Variants in TRPM3 observed in about 807,000 individuals in gnomAD.
The protein encoded by TRPM3 is long transient receptor potential channel 3.
In TRPM3, 77 loss-of-function variants were observed where a neutral mutation model predicts 181.2. The ratio of observed to expected loss-of-function variants is 0.42; its 90% CI spans 0.35 to 0.51. The LOEUF (loss-of-function observed/expected upper bound fraction) is 0.51. Among genes scored for constraint, TRPM3 ranks in the 20% least tolerant of loss-of-function variants. The pLI is 0.01. For synonymous variants in TRPM3, 745 were observed against 796.4 expected, an observed-to-expected ratio of 0.94 and a Z score of 1.09; for missense variants, 1,759 against 2,196.7, an observed-to-expected ratio of 0.80 and a Z score of 3.98.
intron 6 of TRPM3, among the ~76,000 whole-genome samples, chr9:70,817,539 G>A (rs1348840546): frequency 6.6e-6 from 1 of 152,168 alleles, no homozygotes; most frequent in Non-Finnish European, 1.5e-5. Flanking sequence ...TCCTAACTAA[G>A]GCTTTATGGT....
At chr9:71,226,052 T>C (rs1294938815) in intron 1 of TRPM3, among the ~76,000 whole-genome samples, 3 of 128,938 alleles carry the variant, frequency 2.3e-5, no homozygotes, top group Admixed American at 8.4e-5. Context: ...AGCAGGGAGA[T>C]GAAGTTATAG....
chr9:71,387,262 G>A (rs1044149329), intron 1 of TRPM3, among the ~76,000 whole-genome samples: 3 of 152,182 alleles, frequency 2.0e-5, no homozygotes, highest in African/African-American at 4.8e-5. Context: ...ACCAAAGAAC[G>A]CCAAAGAATT....
chr9:70,880,227 G>A (rs1291854589), intron 1 of TRPM3, among the ~76,000 whole-genome samples: 1 of 152,082 alleles, frequency 6.6e-6, no homozygotes, highest in Non-Finnish European at 1.5e-5. Context: ...CTTAATGTCA[G>A]TAGATATCAT....
At chr9:71,390,690 T>C (rs939221435) in intron 1 of TRPM3, among the ~76,000 whole-genome samples, 3 of 152,146 alleles carry the variant, frequency 2.0e-5, no homozygotes, top group African/African-American at 7.2e-5. Flanking sequence ...CAAGTACTCA[T>C]TAAACATTAC....
At chr9:70,852,447 C>A (rs2095266583) in intron 3 of TRPM3, among the ~76,000 whole-genome samples, 1 of 152,118 alleles carries the variant, frequency 6.6e-6, no homozygotes, top group South Asian at 2.1e-4. Flanking sequence ...TGTCTCTGTA[C>A]TTCTCCTTTT....
chr9:71,396,340 G>C (rs915211371), intron 1 of TRPM3, among the ~76,000 whole-genome samples: 1 of 150,174 alleles, frequency 6.7e-6, no homozygotes, highest in Non-Finnish European at 1.5e-5. Context: ...TGTGCAAAGA[G>C]TTATGCGGCA....
At chr9:70,938,488 T>C (rs2096851670) in intron 1 of TRPM3, among the ~76,000 whole-genome samples, 1 of 152,164 alleles carries the variant, frequency 6.6e-6, no homozygotes, top group South Asian at 2.1e-4. Flanking sequence ...TTTTTCTATC[T>C]CTCCGCTTAT....
At chr9:70,770,739 A>G (rs958952788) in intron 7 of TRPM3, among the ~76,000 whole-genome samples, 1 of 152,210 alleles carries the variant, frequency 6.6e-6, no homozygotes, top group Non-Finnish European at 1.5e-5. Flanking sequence ...TGGGAAAAAA[A>G]GAGATCATGT....
At chr9:71,311,995 G>A (rs964389591) in intron 1 of TRPM3, among the ~76,000 whole-genome samples, 51 of 152,168 alleles carry the variant, frequency 3.4e-4, no homozygotes, top group East Asian at 5.8e-4. Flanking sequence ...TTATCTAGAC[G>A]GTCTTGGGTA....
At chr9:71,171,443 G>A (rs1469802980) in intron 1 of TRPM3, among the ~76,000 whole-genome samples, 4 of 152,032 alleles carry the variant, frequency 2.6e-5, no homozygotes, top group Non-Finnish European at 5.9e-5. Flanking sequence ...CCGAACACCC[G>A]GCTTTAAAAT....
intron 1 of TRPM3, among the ~76,000 whole-genome samples, chr9:71,078,232 TAC>T (rs1370495400): frequency 6.6e-6 from 1 of 152,166 alleles, no homozygotes; most frequent in African/African-American, 2.4e-5. Context: ...AAACGAAATA[TAC>T]AGATATGCTA....
intron 1 of TRPM3, among the ~76,000 whole-genome samples, chr9:71,150,621 T>C (rs935741424): frequency 6.6e-6 from 1 of 152,158 alleles, no homozygotes; most frequent in South Asian, 2.1e-4. Context: ...ATGAAGTCAG[T>C]ATAATATGGA....
chr9:70,635,070 C>A, intron 12 of TRPM3, 141 bp downstream of exon 12: 1 of 650,236 alleles, frequency 1.5e-6, no homozygotes, highest in Non-Finnish European at 2.7e-6. Context: ...TACACACACA[C>A]ACACACACAC....
At chr9:70,970,281 T>C (rs1194327227) in intron 1 of TRPM3, among the ~76,000 whole-genome samples, 1 of 152,194 alleles carries the variant, frequency 6.6e-6, no homozygotes, top group African/African-American at 2.4e-5. Context: ...CTTAGGGTCA[T>C]TCTGACAAGG....
chr9:70,575,111 T>C (rs932990228), intron 22 of TRPM3, among the ~76,000 whole-genome samples: 2 of 58,192 alleles, frequency 3.4e-5, no homozygotes, highest in Non-Finnish European at 1.0e-4. Flanking sequence ...CCCGCATAAT[T>C]TTTTTTTTTT....
chr9:70,990,516 C>G (rs976275037), intron 1 of TRPM3, among the ~76,000 whole-genome samples: 6 of 152,138 alleles, frequency 3.9e-5, no homozygotes, highest in African/African-American at 1.4e-4. Flanking sequence ...TTCCCTAGAT[C>G]CCTGTTCCTT....
At chr9:70,869,151 T>A in intron 1 of TRPM3, 1 of 725,914 alleles carries the variant, frequency 1.4e-6, no homozygotes, top group Non-Finnish European at 1.7e-6. Context: ...ACGTTTCAAG[T>A]AAGCAATGAA....
At chr9:71,292,138 A>G (rs77905454) in intron 1 of TRPM3, among the ~76,000 whole-genome samples, 1,667 of 152,184 alleles carry the variant, frequency 0.011, 26 homozygotes, top group East Asian at 0.075. Flanking sequence ...ATGAAAATGA[A>G]TAAACATTGA....
intron 1 of TRPM3, among the ~76,000 whole-genome samples, chr9:71,231,654 T>A (rs2081059161): frequency 6.6e-6 from 1 of 152,204 alleles, no homozygotes; most frequent in Non-Finnish European, 1.5e-5. Flanking sequence ...CTGGAGGCCA[T>A]TATCCTAAGT....
Sources: allele counts gnomAD v4.1 joint callset (sites outside exome capture counted in the v4.1 genomes callset), GRCh38; gene constraint gnomAD v4.1.1; transcripts MANE v1.5; gene names NCBI Gene and HGNC (gene_info 2026-07-23, HGNC 2026-07-21).